Variants in CAMTA1 observed in about 807,000 individuals in gnomAD.
The protein encoded by CAMTA1 is calmodulin-binding transcription activator 1.
Under a neutral mutation model 170.9 loss-of-function variants are expected in CAMTA1, and 27 were observed. The ratio of observed to expected loss-of-function variants is 0.16; its 90% CI spans 0.12 to 0.22. The LOEUF is 0.22. Ranked by LOEUF, CAMTA1 falls within the 10% of genes least tolerant of loss-of-function variation. The pLI, the probability that CAMTA1 is intolerant of heterozygous loss-of-function variation, is 1.00. For synonymous variants in CAMTA1, 833 were observed against 891.5 expected (o/e 0.93, Z 1.17); for missense variants, 1,619 against 2,217.2 (o/e 0.73, Z 5.42).
chr1:7,408,169 G>C (rs6695220), intron 5 of CAMTA1, among the ~76,000 whole-genome samples: 23,036 of 149,692 alleles, frequency 0.15, 2,715 homozygotes, highest in East Asian at 0.51. Context: ...GAACGAAGTG[G>C]TTGCAAGTGG....
chr1:7,417,725 C>G (rs574176152), intron 5 of CAMTA1, among the ~76,000 whole-genome samples: 2 of 152,176 alleles, frequency 1.3e-5, no homozygotes, highest in Non-Finnish European at 1.5e-5. Context: ...TTGTACTTCC[C>G]GAGTGAGGCA....
intron 4 of CAMTA1, among the ~76,000 whole-genome samples, chr1:7,238,808 G>T (rs142463152): frequency 6.6e-6 from 1 of 152,158 alleles, no homozygotes; most frequent in Non-Finnish European, 1.5e-5. Flanking sequence ...GCTTGAACCC[G>T]GGAGGTGCAA....
rs1181256495 is a variant in CAMTA1, at chr1:7,551,501, G to C, written c.510+83600G>C. Among the ~76,000 whole-genome samples the C allele has an allele frequency of 3.9e-5, 6 of 152,214 alleles. No homozygotes were observed. The East Asian group carries it at 9.6e-4, about 24-fold the overall frequency. ...ATGCCTGAAGTGGCCTTGAGCTCCA[G>C]AGAACCGTGTGTCTTCCAGGCAACT... On this transcript the variant is annotated intron_variant, in intron 6 of 22. Coordinates refer to ENST00000303635, the MANE Select transcript of CAMTA1 (RefSeq NM_015215.4).
intron 4 of CAMTA1, among the ~76,000 whole-genome samples, chr1:7,242,906 G>T (rs1406861525): frequency 6.6e-6 from 1 of 151,998 alleles, no homozygotes; most frequent in African/African-American, 2.4e-5. Context: ...AGCTTGCAGT[G>T]AGCCGAGATC....
intron 3 of CAMTA1, among the ~76,000 whole-genome samples, chr1:6,840,506 T>C (rs1368934322): frequency 1.3e-5 from 2 of 152,126 alleles, no homozygotes; most frequent in African/African-American, 4.8e-5. Context: ...AGCTACTGCG[T>C]TGGTGCTGGG....
chr1:7,001,082 A>C (rs937110002), intron 3 of CAMTA1, among the ~76,000 whole-genome samples: 6 of 152,206 alleles, frequency 3.9e-5, no homozygotes, highest in African/African-American at 1.4e-4. Context: ...GTATCGGAGT[A>C]ATGGTGATGG....
chr1:7,658,479 A>G (rs983297578), intron 7 of CAMTA1, among the ~76,000 whole-genome samples: 2 of 152,196 alleles, frequency 1.3e-5, no homozygotes, highest in African/African-American at 4.8e-5. Flanking sequence ...GGGTACAGCC[A>G]GAGTAGGGGA....
At chr1:6,807,106 T>A (rs1361384697) in intron 1 of CAMTA1, 1 of 583,760 alleles carries the variant, frequency 1.7e-6, no homozygotes, top group South Asian at 2.1e-5. Flanking sequence ...CAATATGTCA[T>A]AAAGGGATTT....
rs1577362633 is a variant in CAMTA1 at position 7,744,867 on chromosome 1, T to C, written c.4215T>C (p.Ile1405=). 3 of 1,613,988 alleles carry C rather than the reference T, an allele frequency of 1.9e-6. No individual in the cohort carries two copies. In the East Asian group the frequency reaches 6.7e-5, roughly 36 times the overall value. ...VNMMTLAEHI[I]EATPDRIKQE... is the part of the protein sequence containing the mutation. ...TGATGACCTTGGCAGAACACATTATTGAAGCCACACCTGACCGAATCAAGC... is the reference window on the plus strand; with the variant it reads ...TGATGACCTTGGCAGAACACATTATCGAAGCCACACCTGACCGAATCAAGC... The change falls in exon 17 of 23, where the codon ATT becomes ATC. Residue 1405 remains isoleucine (I), a synonymous_variant. Coordinates refer to ENST00000303635, the MANE Select transcript of CAMTA1 (RefSeq NM_015215.4).
intron 3 of CAMTA1, among the ~76,000 whole-genome samples, chr1:6,939,027 C>A (rs572413364): frequency 6.6e-6 from 1 of 152,328 alleles, no homozygotes; most frequent in East Asian, 1.9e-4. Context: ...AGGCACAGTC[C>A]TCGCCCTGGG....
chr1:7,715,863 T>A lies in CAMTA1; in HGVS notation c.2915-16585T>A, dbSNP rs1325500002. ...AGACATGAAAGAATCCTCACAAGCA[T>A]CCTGACACTACTCGGAAGAAGCTTA... On this transcript the variant is annotated intron_variant, in intron 11 of 22. Transcript: ENST00000303635. Among the ~76,000 whole-genome samples the A allele has an allele frequency of 2.0e-5, 3 of 152,192 alleles. No individual in the cohort carries two copies. The East Asian group carries it at 5.8e-4, about 29-fold the overall frequency.
At chr1:7,247,477 A>G (rs1188210868) in intron 4 of CAMTA1, among the ~76,000 whole-genome samples, 1 of 152,190 alleles carries the variant, frequency 6.6e-6, no homozygotes, top group Non-Finnish European at 1.5e-5. Flanking sequence ...AGCTCACAAG[A>G]GGCTAGATTG....
chr1:6,820,936 C>A (rs1396756387), intron 2 of CAMTA1, among the ~76,000 whole-genome samples: 1 of 152,084 alleles, frequency 6.6e-6, no homozygotes, highest in East Asian at 1.9e-4. Flanking sequence ...TTATCTGTTC[C>A]CTCATACATA....
At position 7,685,844 on chromosome 1, in the gene CAMTA1, CT is replaced by C. The variant is rs2096253315; in HGVS notation, c.2914+8114del. On this transcript the variant is annotated intron_variant, in intron 11 of 22. Transcript: ENST00000303635. The surrounding 1 kb of genome is among the most constrained non-coding windows in gnomAD (Gnocchi z 5.7). Reference sequence around the variant, plus strand: ...GTCCCAGACAGGACAAATGGCCGTTCTTTCTGTTTTCCCCAACCTACCTCTC... The same window carrying C: ...GTCCCAGACAGGACAAATGGCCGTTCTTCTGTTTTCCCCAACCTACCTCTC... 6.6e-6 allele frequency among the ~76,000 whole-genome samples: 1 copy of C among 152,174 alleles called. No individual in the cohort carries two copies. The highest frequency in any genetic ancestry group is 1.5e-5 in the Non-Finnish European group (1 of 68,030).
At position 6,828,257 on chromosome 1, in the gene CAMTA1, G is replaced by GT. The variant is rs1336661340; in HGVS notation, c.234+3049dup. 6.5e-5 allele frequency among the ~76,000 whole-genome samples: 9 copies of GT among 138,576 alleles called. No homozygotes were observed. In the East Asian group the frequency reaches 1.8e-3, roughly 28 times the overall value. 90.9% of individuals were successfully genotyped at this position (138,576 alleles called of 152,430 possible). A position where few individuals can be genotyped will look rare whatever the true frequency, so the allele number is the denominator to read the frequency against. On this transcript the variant is annotated intron_variant, in intron 3 of 22. Coordinates refer to ENST00000303635, the MANE Select transcript of CAMTA1 (RefSeq NM_015215.4). ...TGAAAAAACCTTTTATACTGTGTGT[G>GT]TTGTGAGTGAGATTGTGCTCATTCC... is the stretch of plus-strand genomic sequence containing the variant.
intron 3 of CAMTA1, among the ~76,000 whole-genome samples, chr1:7,057,595 G>A (rs1322679911): frequency 2.0e-5 from 3 of 151,838 alleles, no homozygotes; most frequent in African/African-American, 7.2e-5. Context: ...GTCTGACCCC[G>A]ACAGGCTGAG....
intron 4 of CAMTA1, among the ~76,000 whole-genome samples, chr1:7,100,894 T>G (rs11120842): frequency 6.6e-6 from 1 of 151,990 alleles, no homozygotes; most frequent in Non-Finnish European, 1.5e-5. Context: ...TCTTTGGATT[T>G]TACTGGGACA....
chr1:6,946,334 AG>A (rs1687577932), intron 3 of CAMTA1, among the ~76,000 whole-genome samples: 1 of 152,042 alleles, frequency 6.6e-6, no homozygotes, highest in Non-Finnish European at 1.5e-5. Flanking sequence ...TAGGACTGCA[AG>A]CACATGCCAC....
At chr1:7,377,216 TA>T (rs2086905624) in intron 5 of CAMTA1, among the ~76,000 whole-genome samples, 1 of 152,098 alleles carries the variant, frequency 6.6e-6, no homozygotes, top group African/African-American at 2.4e-5. Flanking sequence ...ACTAGGGACT[TA>T]AAAAGCGCAA....
Sources: allele counts gnomAD v4.1 joint callset (sites outside exome capture counted in the v4.1 genomes callset), GRCh38; gene constraint gnomAD v4.1.1; non-coding constraint Gnocchi (gnomAD v3.1); transcripts MANE v1.5; gene names NCBI Gene and HGNC (gene_info 2026-07-23, HGNC 2026-07-21).